Variants in REDIC1 observed in about 807,000 individuals in gnomAD.
The protein encoded by REDIC1 is HEI10 Interacting Protein 1.
the REDIC1 span, among the ~76,000 whole-genome samples, chr12:39,890,052 A>C: frequency 6.6e-6 from 1 of 152,266 alleles, no homozygotes; most frequent in African/African-American, 2.4e-5. Flanking sequence ...TTGGGTAGAA[A>C]CCCGATAATC....
At chr12:39,808,757 G>A in the REDIC1 span, among the ~76,000 whole-genome samples, 1 of 151,704 alleles carries the variant, frequency 6.6e-6, no homozygotes, top group African/African-American at 2.4e-5. Flanking sequence ...AAATCTTTTG[G>A]CGTCTTTTGA....
chr12:39,819,268 A>C, the REDIC1 span, among the ~76,000 whole-genome samples: 1 of 152,200 alleles, frequency 6.6e-6, no homozygotes, highest in Non-Finnish European at 1.5e-5. Flanking sequence ...TTCATGGTTT[A>C]CAAATATTTT....
the REDIC1 span, among the ~76,000 whole-genome samples, chr12:39,772,455 T>C: frequency 0.21 from 31,527 of 152,088 alleles, 4,210 homozygotes; most frequent in Non-Finnish European, 0.3. Context: ...ATACCCTATG[T>C]AGAGATAAAT....
the REDIC1 span, among the ~76,000 whole-genome samples, chr12:39,752,499 T>G: frequency 1.3e-5 from 2 of 152,240 alleles, no homozygotes. Flanking sequence ...AGGACCGCTG[T>G]TCTGGTGGGA....
the REDIC1 span, among the ~76,000 whole-genome samples, chr12:39,714,205 A>G: frequency 0.54 from 19,995 of 36,900 alleles, 5,801 homozygotes; most frequent in Non-Finnish European, 0.67. Flanking sequence ...ATATGTATAT[A>G]CATGCATATA....
chr12:39,759,510 G>C, the REDIC1 span: 2 of 152,908 alleles, frequency 1.3e-5, no homozygotes, highest in Non-Finnish European at 2.9e-5. Flanking sequence ...GGAATTTGTT[G>C]ATGAAAGCTT....
chr12:39,684,862 CT>C, the REDIC1 span: 1 of 1,605,792 alleles, frequency 6.2e-7, no homozygotes, highest in Non-Finnish European at 8.5e-7. Context: ...ATTTATAATC[CT>C]TAGGGGAAAT....
At chr12:39,675,575 C>T in the REDIC1 span, among the ~76,000 whole-genome samples, 5 of 152,218 alleles carry the variant, frequency 3.3e-5, no homozygotes, top group East Asian at 1.9e-4. Context: ...AATTCTACCA[C>T]GTGCAACATC....
At chr12:39,748,707 A>G in the REDIC1 span, among the ~76,000 whole-genome samples, 1 of 152,240 alleles carries the variant, frequency 6.6e-6, no homozygotes, top group Non-Finnish European at 1.5e-5. Context: ...AACAGAAACT[A>G]TAACAAATGG....
At chr12:39,836,136 C>A in the REDIC1 span, among the ~76,000 whole-genome samples, 3 of 152,040 alleles carry the variant, frequency 2.0e-5, no homozygotes, top group Non-Finnish European at 4.4e-5. Context: ...AAGGACATTA[C>A]AATATTTAGA....
chr12:39,864,935 G>A, the REDIC1 span: 16 of 1,515,034 alleles, frequency 1.1e-5, no homozygotes, highest in African/African-American at 4.3e-5. Context: ...TTGTTTTAAG[G>A]CAGACTGGGT....
the REDIC1 span, among the ~76,000 whole-genome samples, chr12:39,642,034 A>C: frequency 2.0e-5 from 3 of 151,762 alleles, no homozygotes; most frequent in African/African-American, 7.2e-5. Flanking sequence ...TTTTATTTCT[A>C]TCTCTCTGGT....
At chr12:39,763,730 C>T in the REDIC1 span, among the ~76,000 whole-genome samples, 2 of 152,096 alleles carry the variant, frequency 1.3e-5, no homozygotes, top group African/African-American at 4.8e-5. Context: ...CCTCATACTT[C>T]ATCATGAATA....
the REDIC1 span, among the ~76,000 whole-genome samples, chr12:39,634,181 C>A: frequency 6.6e-6 from 1 of 152,090 alleles, no homozygotes; most frequent in African/African-American, 2.4e-5. Flanking sequence ...GTATTTTATT[C>A]TCTTTTTAGT....
chr12:39,722,462 T>A, the REDIC1 span, among the ~76,000 whole-genome samples: 1 of 152,266 alleles, frequency 6.6e-6, no homozygotes, highest in African/African-American at 2.4e-5. Context: ...GGATTGGTTA[T>A]CCTGAGCATT....
At chr12:39,860,205 C>T in the REDIC1 span, among the ~76,000 whole-genome samples, 1 of 152,094 alleles carries the variant, frequency 6.6e-6, no homozygotes, top group East Asian at 1.9e-4. Flanking sequence ...ATTTGGACCT[C>T]AGTAAGGAAA....
chr12:39,896,580 GTA>G, the REDIC1 span, among the ~76,000 whole-genome samples: 2 of 143,916 alleles, frequency 1.4e-5, no homozygotes, highest in Non-Finnish European at 1.5e-5. Flanking sequence ...ATGTATGTGT[GTA>G]TATATGTATA....
the REDIC1 span, among the ~76,000 whole-genome samples, chr12:39,726,690 T>TGACCCA: frequency 6.6e-6 from 1 of 152,158 alleles, no homozygotes; most frequent in African/African-American, 2.4e-5. Context: ...GTAGTGGGAT[T>TGACCCA]GCTGGGTCAA....
chr12:39,805,023 A>AGG, the REDIC1 span, among the ~76,000 whole-genome samples: 3 of 152,024 alleles, frequency 2.0e-5, no homozygotes, highest in Non-Finnish European at 4.4e-5. Flanking sequence ...AGCCTGCTGG[A>AGG]GAGAGAAGCC....
Sources: gnomAD v4.1 joint callset for allele counts (sites outside exome capture counted in the v4.1 genomes callset) on GRCh38, gnomAD v4.1.1 for gene constraint, MANE v1.5 for transcripts, NCBI Gene and HGNC (gene_info 2026-07-23, HGNC 2026-07-21) for gene names.